Variants in TNS3 observed in about 807,000 individuals in gnomAD.
TNS3 encodes the protein tensin 3, also known as tensin-3.
Under a neutral mutation model 140.9 loss-of-function variants are expected in TNS3, and 45 were observed. The observed-to-expected ratio is 0.32, with a 90% CI of 0.25 to 0.41. The LOEUF is 0.41. Ranked by LOEUF, TNS3 falls within the 10% of genes least tolerant of loss-of-function variation. The probability of loss-of-function intolerance (pLI) is 1.00; values close to 1 mark genes in which losing one functional copy is unlikely to be tolerated. For missense variants in TNS3, 1,716 were observed against 1,906.7 expected, an observed-to-expected ratio of 0.90 and a Z score of 1.86; for synonymous variants, 815 against 788.4, an observed-to-expected ratio of 1.03 and a Z score of -0.56.
intron 13 of TNS3, among the ~76,000 whole-genome samples, chr7:47,406,927 C>T (rs539446324): frequency 6.6e-6 from 1 of 152,224 alleles, no homozygotes; most frequent in South Asian, 2.1e-4. Flanking sequence ...CTGAGCATGG[C>T]AGAGTGGGTC....
chr7:47,444,272 C>T (rs1238432063), intron 4 of TNS3, among the ~76,000 whole-genome samples: 2 of 152,224 alleles, frequency 1.3e-5, no homozygotes, highest in Non-Finnish European at 2.9e-5. Flanking sequence ...CTTCACCAGA[C>T]CACGCATCCA....
At chr7:47,466,991 A>AT (rs558538301) in intron 4 of TNS3, among the ~76,000 whole-genome samples, 21 of 152,188 alleles carry the variant, frequency 1.4e-4, no homozygotes, top group Non-Finnish European at 2.5e-4. Context: ...TGCTGTGGTG[A>AT]TGACGGTGGT....
intron 20 of TNS3, among the ~76,000 whole-genome samples, chr7:47,310,858 T>C (rs965591343): frequency 6.6e-6 from 1 of 152,216 alleles, no homozygotes; most frequent in African/African-American, 2.4e-5. Context: ...CTCAAAATGA[T>C]GGTTTCCAGC....
At chr7:47,509,097 A>C (rs1297605273) in intron 2 of TNS3, among the ~76,000 whole-genome samples, 1 of 152,232 alleles carries the variant, frequency 6.6e-6, no homozygotes, top group Non-Finnish European at 1.5e-5. Context: ...TTTGTCATGC[A>C]ACACGCCAAC....
chr7:47,298,825 C>T (rs150058614), intron 23 of TNS3, among the ~76,000 whole-genome samples: 75 of 152,358 alleles, frequency 4.9e-4, no homozygotes, highest in Non-Finnish European at 9.6e-4. Flanking sequence ...ATGTCTGCAC[C>T]GTGGCCCTGT....
At position 47,519,491 on chromosome 7, in the gene TNS3, G is replaced by A. The variant is rs545146867; in HGVS notation, c.-153+9545C>T. Among the ~76,000 whole-genome samples the A allele has an allele frequency of 2.9e-4, 44 of 152,254 alleles. 1 individual carries two copies. The East Asian group carries it at 5.8e-3, about 20-fold the overall frequency. On this transcript the variant is annotated intron_variant, in intron 2 of 30. Coordinates refer to ENST00000311160, the MANE Select transcript of TNS3 (RefSeq NM_022748.12). ...ACTCAGTGTGTGAGCAGACCCCAGC[G>A]GTGGGGCCACTCATCACCATGTAAA...
At chr7:47,290,612 A>G (rs1785641781) in intron 27 of TNS3, among the ~76,000 whole-genome samples, 1 of 152,244 alleles carries the variant, frequency 6.6e-6, no homozygotes, top group African/African-American at 2.4e-5. Context: ...TACACATCAT[A>G]AGTCATCAGA....
chr7:47,547,144 C>A (rs1799943470), intron 1 of TNS3, among the ~76,000 whole-genome samples: 1 of 152,162 alleles, frequency 6.6e-6, no homozygotes, highest in African/African-American at 2.4e-5. Context: ...AGGCAGTGGA[C>A]CCTCCAGGGT....
At chr7:47,438,742 G>C (rs1479357215) in intron 6 of TNS3, among the ~76,000 whole-genome samples, 3 of 152,156 alleles carry the variant, frequency 2.0e-5, no homozygotes, top group Non-Finnish European at 4.4e-5. Context: ...CCAGTCATTG[G>C]AGCAGACCAG....
At chr7:47,338,344 G>C in intron 20 of TNS3, among the ~76,000 whole-genome samples, 1 of 152,190 alleles carries the variant, frequency 6.6e-6, no homozygotes, top group African/African-American at 2.4e-5. Flanking sequence ...TTTTCCACAT[G>C]CTCACCAGTA....
At chr7:47,405,526 G>A in intron 13 of TNS3, 1 of 702,986 alleles carries the variant, frequency 1.4e-6, no homozygotes, top group Non-Finnish European at 2.6e-6. Flanking sequence ...AGCTGAAAAT[G>A]ACTTCAGATG....
chr7:47,299,629 C>T (rs562911648), intron 23 of TNS3, among the ~76,000 whole-genome samples: 26 of 152,286 alleles, frequency 1.7e-4, no homozygotes, highest in African/African-American at 3.4e-4. Context: ...GGCTTTGCTC[C>T]GACCAGTTCT....
intron 15 of TNS3, among the ~76,000 whole-genome samples, chr7:47,399,974 CAA>C (rs200484427): frequency 1.5e-5 from 2 of 135,820 alleles, no homozygotes; most frequent in East Asian, 2.1e-4. Flanking sequence ...AACAAATCCT[CAA>C]AAAAAAAAAA....
In TNS3 at chr7:47,312,434, C is replaced by T. The variant is rs187413393; in HGVS notation, c.2651-7431G>A. On this transcript the variant is annotated intron_variant, in intron 20 of 30. Transcript: ENST00000311160. ...ATGTCTTTGCTGGGGCTGGGTGCGG[C>T]GGGTCATGCCTGTAATCCCAGCACT... 1.8e-4 allele frequency among the ~76,000 whole-genome samples: 28 copies of T among 152,038 alleles called. No homozygotes were observed. In the East Asian group the frequency reaches 4.3e-3, roughly 23 times the overall value.
chr7:47,507,429 G>A (rs551789067), intron 2 of TNS3, among the ~76,000 whole-genome samples: 13 of 152,282 alleles, frequency 8.5e-5, no homozygotes, highest in African/African-American at 3.1e-4. Flanking sequence ...AAGACCGGAT[G>A]GGAGCCTTTA....
chr7:47,359,939 C>T (rs1400226956), intron 17 of TNS3, among the ~76,000 whole-genome samples: 2 of 152,156 alleles, frequency 1.3e-5, no homozygotes, highest in African/African-American at 4.8e-5. Flanking sequence ...CCAGATAGCA[C>T]CTTCTCCTCT....
At chr7:47,495,090 C>A (rs1797953334) in intron 3 of TNS3, among the ~76,000 whole-genome samples, 1 of 149,128 alleles carries the variant, frequency 6.7e-6, no homozygotes, top group African/African-American at 2.5e-5. Context: ...ACTCGGGAGG[C>A]TGAGGCAGGA....
chr7:47,284,220 G>A (rs1399238259), intron 27 of TNS3, among the ~76,000 whole-genome samples: 1 of 152,164 alleles, frequency 6.6e-6, no homozygotes, highest in Non-Finnish European at 1.5e-5. Context: ...CACCTTCTCT[G>A]GTCTCAGGGT....
chr7:47,460,563 C>T (rs1214823007), intron 4 of TNS3, among the ~76,000 whole-genome samples: 1 of 152,222 alleles, frequency 6.6e-6, no homozygotes, highest in African/African-American at 2.4e-5. Flanking sequence ...GAGATGCTCA[C>T]CTGCCGCCCT....
Sources: allele counts gnomAD v4.1 joint callset (sites outside exome capture counted in the v4.1 genomes callset), GRCh38; gene constraint gnomAD v4.1.1; transcripts MANE v1.5; gene names NCBI Gene and HGNC (gene_info 2026-07-23, HGNC 2026-07-21).